The following DNASE1L1 variants were observed in gnomAD, a reference collection of about 807,000 sequenced individuals.
DNASE1L1 encodes deoxyribonuclease-1-like 1.
A neutral mutation model predicts 18.6 loss-of-function variants in DNASE1L1; 8 were observed. The observed-to-expected ratio is 0.43, with a 90% confidence interval of 0.25 to 0.78. The LOEUF (loss-of-function observed/expected upper bound fraction) is 0.78, where lower values mean the gene tolerates loss of function less well. DNASE1L1 is among the 30% of genes least tolerant of loss of function. DNASE1L1 has a pLI of 0.23. For missense variants in DNASE1L1, 214 were observed against 258.2 expected, an observed-to-expected ratio of 0.83 and a Z score of 1.17; for synonymous variants, 114 against 114.2, an observed-to-expected ratio of 1.00 and a Z score of 0.01.
chrX:154,405,297 G>A (rs2068127570), intron 2 of DNASE1L1, 137 bp downstream of exon 2: 1 of 1,021,485 alleles, frequency 9.8e-7, no homozygotes, highest in Non-Finnish European at 1.3e-6. Flanking sequence ...CCAGCAGCAG[G>A]CAAGCGCCTG....
intron 2 of DNASE1L1, 54 bp from the exon 3 acceptor site, chrX:154,405,137 G>A: frequency 8.9e-7 from 1 of 1,118,566 alleles, no homozygotes; most frequent in South Asian, 1.9e-5. Context: ...CCTGAGAGGA[G>A]GCAGTGGGCC....
chrX:154,410,762 C>G (rs2068261488), upstream of DNASE1L1, among the ~76,000 whole-genome samples: 3 of 109,298 alleles, frequency 2.7e-5, no homozygotes, highest in Non-Finnish European at 3.8e-5. Flanking sequence ...GCCTGTAGTC[C>G]CAGCTACTCA....
At chrX:154,411,113 C>T (rs1282448268), upstream of DNASE1L1, among the ~76,000 whole-genome samples, 1 of 112,014 alleles carries the variant, frequency 8.9e-6, no homozygotes, top group East Asian at 2.8e-4. Context: ...TACATTGCTA[C>T]ATACACATAG....
chrX:154,404,190 T>C (rs2068105623), intron 4 of DNASE1L1, among the ~76,000 whole-genome samples: 1 of 100,475 alleles, frequency 1.0e-5, no homozygotes, highest in South Asian at 5.1e-4. Context: ...TCTCACTCTG[T>C]TGCTCAGGCT....
At chrX:154,409,383 A>C, upstream of DNASE1L1, 4 of 192,955 alleles carry the variant, frequency 2.1e-5, no homozygotes, top group African/African-American at 3.0e-5. Context: ...TCCCACCCAG[A>C]CCCCGCCTTC....
chrX:154,411,855 C>A (rs782329160), upstream of DNASE1L1: 2 of 1,196,818 alleles, frequency 1.7e-6, no homozygotes, highest in African/African-American at 3.5e-5. Flanking sequence ...TGCCTCTGCA[C>A]GTGAAGTGGC....
chrX:154,410,650 G>T (rs1557189926), upstream of DNASE1L1, among the ~76,000 whole-genome samples: 1 of 109,745 alleles, frequency 9.1e-6, no homozygotes, highest in Non-Finnish European at 1.9e-5. Flanking sequence ...TGGGTGGACT[G>T]CCTGAGCTCA....
chrX:154,403,083 G>A lies in DNASE1L1; in HGVS notation c.633C>T (p.Ala211=), dbSNP rs782591001. ...RTEPGFHWVI[A]DGEDTTVRAS... ...CCCGCACTGTGGTGTCCTCCCCATC[G>A]GCAATCACCCAGTGGAAGCCTGGCT... The change falls in exon 7 of 8, where the codon GCC becomes GCT. Residue 211 remains alanine (A), a synonymous_variant. Transcript: ENST00000369807. 2.4e-5 allele frequency: 29 copies of A among 1,211,739 alleles called. No homozygotes were observed. The highest frequency in any genetic ancestry group is 3.5e-5 in the South Asian group (2 of 57,025).
chrX:154,412,058 G>C, upstream of DNASE1L1: 1 of 1,209,537 alleles, frequency 8.3e-7, no homozygotes, highest in Middle Eastern at 2.3e-4. Flanking sequence ...GGCGAGCCCG[G>C]AGCGCCTGAC....
In DNASE1L1 at chrX:154,405,660, A is replaced by G; in HGVS notation, c.-87-5T>C. The G allele has an allele frequency of 1.1e-6, 1 of 929,946 alleles. No homozygotes were observed. Among genetic ancestry groups the G allele is most frequent in the Non-Finnish European group, 1.4e-6 (1 of 711,901 alleles). 76.6% of individuals were successfully genotyped at this position (929,946 alleles called of 1,213,427 possible). On this transcript the variant is annotated splice_region_variant and splice_polypyrimidine_tract_variant and intron_variant, in intron 1 of 7. Coordinates refer to ENST00000369807, the MANE Select transcript of DNASE1L1 (RefSeq NM_001303620.2). The stretch of plus-strand genomic sequence containing the variant: ...TCAGTTCTGGCTCTGGAAGCGCTGA[A>G]ATATGGAACAGAGAAAGTGGCACTA...
At position 154,402,807 on chromosome X, in the gene DNASE1L1, A is replaced by G. The variant is rs782719035; in HGVS notation, c.809T>C (p.Val270Ala). 1.7e-6 allele frequency: 2 copies of G among 1,210,795 alleles called. No homozygotes were observed. Among genetic ancestry groups the G allele is most frequent in the South Asian group, 3.5e-5 (2 of 56,903 alleles). The change falls in exon 8 of 8, where the codon GTG becomes GCG. Residue 270 changes from valine (V) to alanine (A), a missense_variant. Physicochemically the swap from Val to Ala is moderately conservative, Grantham distance 64. Coordinates refer to ENST00000369807, the MANE Select transcript of DNASE1L1 (RefSeq NM_001303620.2). ...GTGCGCCTGGCTCAGCTTCAGCTCC[A>G]CCTCCACGGGGTAGTGGTCACTGAT... is the stretch of plus-strand genomic sequence containing the variant. ...LNISDHYPVE[V>A]ELKLSQAHSV...
chrX:154,403,716 C>T, intron 4 of DNASE1L1, 94 bp from the exon 5 acceptor site: 1 of 712,539 alleles, frequency 1.4e-6, no homozygotes, highest in Non-Finnish European at 2.2e-6. Context: ...CCTCCACTAA[C>T]AGCGGCAATG....
chrX:154,403,585 TGTACACGTAGGAACTCA>T lies in DNASE1L1; in HGVS notation c.332_348del (p.Leu111GlnfsTer3). 4 of 1,211,908 alleles carry T rather than the reference TGTACACGTAGGAACTCA, an allele frequency of 3.3e-6. No individual in the cohort carries two copies. Among genetic ancestry groups the T allele is most frequent in the Non-Finnish European group, 4.5e-6 (4 of 895,499 alleles). ...CGGGCAAAGACGTCATCCTCATCGT[TGTACACGTAGGAACTCA>T]GGACCTGTGTTTTGTGTGACCTGGG... On this transcript the variant is annotated frameshift_variant, in exon 5 of 8. Transcript: ENST00000369807. LOFTEE classifies it high-confidence loss of function.
At position 154,405,583 on chromosome X, in the gene DNASE1L1, G is replaced by A; in HGVS notation, c.-15C>T. ...GGGTAGTGCATGGCTGTGTGTGGCT[G>A]CCGGGGACACCCCAGGAATCCAGGC... On this transcript the variant is annotated 5_prime_UTR_variant, in exon 2 of 8. Transcript: ENST00000369807. The A allele has an allele frequency of 8.9e-7, 1 of 1,129,728 alleles. No individual in the cohort carries two copies. Among genetic ancestry groups the A allele is most frequent in the Non-Finnish European group, 1.2e-6 (1 of 848,007 alleles). 93.1% of individuals were successfully genotyped at this position (1,129,728 alleles called of 1,213,427 possible).
chrX:154,411,885 G>T, upstream of DNASE1L1: 1 of 1,206,231 alleles, frequency 8.3e-7, no homozygotes. Flanking sequence ...CGGTGCCGCC[G>T]CTCACCTGGA....
Position 154,402,332 on chromosome X carries a change from A to AT in DNASE1L1, c.*374dup. ...TCCACAATAAACATGGCCCATTGGC[A>AT]TATCTGCTGCACAAGTGTCCTATCT... is the stretch of plus-strand genomic sequence containing the variant. On this transcript the variant is annotated 3_prime_UTR_variant, in exon 8 of 8. Transcript: ENST00000369807. 1 of 164,868 alleles carries AT rather than the reference A, an allele frequency of 6.1e-6. No individual in the cohort carries two copies. Among genetic ancestry groups the AT allele is most frequent in the Non-Finnish European group, 1.2e-5 (1 of 86,447 alleles). 13.6% of individuals were successfully genotyped at this position (164,868 alleles called of 1,213,427 possible). A position where few individuals can be genotyped will look rare whatever the true frequency, so the allele number is the denominator to read the frequency against.
At chrX:154,405,327 A>G in intron 2 of DNASE1L1, 107 bp downstream of exon 2, 1 of 1,102,327 alleles carries the variant, frequency 9.1e-7, no homozygotes, top group Admixed American at 3.0e-5. Context: ...TCCGTGCCAC[A>G]CCTCTTCTTC....
At chrX:154,404,684 A>G (rs2068114629) in intron 4 of DNASE1L1, 144 bp downstream of exon 4, 2 of 533,194 alleles carry the variant, frequency 3.8e-6, no homozygotes, top group Non-Finnish European at 6.1e-6. Context: ...GCCCAGAATA[A>G]AAGGTGTTGA....
intron 4 of DNASE1L1, 100 bp from the exon 5 acceptor site, chrX:154,403,722 C>T: frequency 1.5e-6 from 1 of 654,236 alleles, no homozygotes. Flanking sequence ...CTAACAGCGG[C>T]AATGTGGGCA....
Sources: gnomAD v4.1 joint callset for allele counts (sites outside exome capture counted in the v4.1 genomes callset) on GRCh38, gnomAD v4.1.1 for gene constraint, MANE v1.5 for transcripts, NCBI Gene and HGNC (gene_info 2026-07-23, HGNC 2026-07-21) for gene names.